MASP1: variants seen among roughly 807,000 people sequenced by gnomAD.
The protein encoded by MASP1 is mannan-binding lectin serine protease 1.
In MASP1, 59 loss-of-function variants were observed where a neutral mutation model predicts 77.1. The observed-to-expected ratio is 0.77, with a 90% CI of 0.62 to 0.95. The LOEUF (loss-of-function observed/expected upper bound fraction) is 0.95. Among genes scored for constraint, MASP1 ranks in the 40% least tolerant of loss-of-function variants. MASP1 has a pLI of 0.00. For missense variants in MASP1, 885 were observed against 912.9 expected, an observed-to-expected ratio of 0.97 and a Z score of 0.39; for synonymous variants, 362 against 354.5, an observed-to-expected ratio of 1.02 and a Z score of -0.24.
At chr3:187,278,439 A>T (rs1019678401) in intron 2 of MASP1, among the ~76,000 whole-genome samples, 5 of 152,212 alleles carry the variant, frequency 3.3e-5, no homozygotes, top group Non-Finnish European at 1.5e-5. Flanking sequence ...CCTCACTCAG[A>T]TGGTGGCAGA....
intron 15 of MASP1, chr3:187,220,342 T>G: frequency 7.4e-7 from 1 of 1,345,424 alleles, no homozygotes; most frequent in Non-Finnish European, 1.0e-6. Context: ...GGGTTGTAGT[T>G]CAGAGAATTG....
At chr3:187,270,229 C>T (rs2108580318) in intron 2 of MASP1, among the ~76,000 whole-genome samples, 1 of 152,280 alleles carries the variant, frequency 6.6e-6, no homozygotes, top group East Asian at 1.9e-4. Context: ...TTTGCTTAGC[C>T]AAATTTTAGT....
intron 8 of MASP1, among the ~76,000 whole-genome samples, chr3:187,248,739 A>G (rs1244497256): frequency 6.6e-6 from 1 of 152,198 alleles, no homozygotes; most frequent in Non-Finnish European, 1.5e-5. Context: ...GCAGGCATCC[A>G]GTCAACATTT....
At chr3:187,220,142 G>A (rs201340753) in exon 16 of MASP1, 74 of 1,614,092 alleles carry the variant, frequency 4.6e-5, no homozygotes, top group African/African-American at 1.3e-4. Context: ...ACTCCGTAGC[G>A]GTCCTTCTTC....
chr3:187,271,935 T>C (rs917052892), intron 2 of MASP1, among the ~76,000 whole-genome samples: 1 of 152,186 alleles, frequency 6.6e-6, no homozygotes, highest in South Asian at 2.1e-4. Context: ...GAAAAAGAGA[T>C]CTTTGCTTCA....
chr3:187,290,886 G>T (rs1718265512), intron 1 of MASP1, among the ~76,000 whole-genome samples: 1 of 151,926 alleles, frequency 6.6e-6, no homozygotes, highest in African/African-American at 2.4e-5. Flanking sequence ...GAAAGGTCTG[G>T]TAAGGAGTGT....
chr3:187,273,719 A>G (rs1380367395), intron 2 of MASP1, among the ~76,000 whole-genome samples: 2 of 152,182 alleles, frequency 1.3e-5, no homozygotes, highest in Non-Finnish European at 2.9e-5. Context: ...CTGATACCAG[A>G]TAGAAACTTG....
downstream of MASP1, chr3:187,229,656 C>A (rs762335772): frequency 3.4e-5 from 50 of 1,456,442 alleles, no homozygotes; most frequent in Non-Finnish European, 4.5e-5. Flanking sequence ...TGCTTCTGTG[C>A]CCTGATGCTA....
intron 2 of MASP1, among the ~76,000 whole-genome samples, chr3:187,273,077 C>T (rs1716653443): frequency 6.6e-6 from 1 of 152,184 alleles, no homozygotes; most frequent in East Asian, 1.9e-4. Flanking sequence ...ACTGAGATGA[C>T]ACGTTCTGGC....
At chr3:187,266,126 G>A (rs533141143) in intron 2 of MASP1, among the ~76,000 whole-genome samples, 31 of 152,252 alleles carry the variant, frequency 2.0e-4, no homozygotes, top group African/African-American at 6.3e-4. Flanking sequence ...ATGTGGCTGC[G>A]AATAATAAAC....
At chr3:187,231,446 C>T (rs1355394679), downstream of MASP1, among the ~76,000 whole-genome samples, 4 of 152,204 alleles carry the variant, frequency 2.6e-5, no homozygotes, top group Non-Finnish European at 5.9e-5. Flanking sequence ...ATTCTTCCTC[C>T]CCCTTTGGAG....
Position 187,278,592 on chromosome 3 carries a change from A to G in MASP1, c.237+7233T>C, listed in dbSNP as rs562591276. 5.9e-5 allele frequency among the ~76,000 whole-genome samples: 9 copies of G among 151,716 alleles called. No individual in the cohort carries two copies. The East Asian group carries it at 1.8e-3, about 30-fold the overall frequency. ...CTGTATTCAAAACTCAATGCACTTC[A>G]GTGCACTCTATATCTTTCTAAATCT... On this transcript the variant is annotated intron_variant, in intron 2 of 10. Coordinates refer to ENST00000296280, the MANE Select transcript of MASP1 (RefSeq NM_139125.4).
intron 2 of MASP1, among the ~76,000 whole-genome samples, chr3:187,266,066 T>C (rs1715996266): frequency 1.3e-5 from 2 of 152,224 alleles, no homozygotes; most frequent in African/African-American, 4.8e-5. Flanking sequence ...ATCAACATGA[T>C]GGAGGGACCT....
chr3:187,279,638 T>G (rs1234181322), intron 2 of MASP1, among the ~76,000 whole-genome samples: 8 of 152,162 alleles, frequency 5.3e-5, no homozygotes, highest in Non-Finnish European at 1.2e-4. Context: ...GCTTTACGTC[T>G]CCCCAAAACA....
intron 9 of MASP1, 26 bp downstream of exon 9, chr3:187,243,458 G>C (rs1186903348): frequency 3.1e-6 from 5 of 1,613,648 alleles, no homozygotes; most frequent in Non-Finnish European, 4.2e-6. Context: ...AAACGGGAGT[G>C]GGATGGCTTA....
downstream of MASP1, among the ~76,000 whole-genome samples, chr3:187,232,345 C>G (rs1442704538): frequency 6.6e-6 from 1 of 151,556 alleles, no homozygotes; most frequent in East Asian, 1.9e-4. Context: ...ATGATGCCCT[C>G]TACCTCTATG....
intron 6 of MASP1, among the ~76,000 whole-genome samples, chr3:187,252,893 A>C (rs1714738546): frequency 6.6e-6 from 1 of 152,210 alleles, no homozygotes; most frequent in Non-Finnish European, 1.5e-5. Flanking sequence ...TCAGGAAACA[A>C]GATTTCTTTT....
At chr3:187,231,898 C>G (rs1206909598), downstream of MASP1, among the ~76,000 whole-genome samples, 1 of 152,158 alleles carries the variant, frequency 6.6e-6, no homozygotes, top group Non-Finnish European at 1.5e-5. Context: ...TGGGCAGTTT[C>G]CTACCTCTGA....
At position 187,235,019 on chromosome 3, in the gene MASP1, CT is replaced by C. The variant is rs1560236867; in HGVS notation, c.*664del. On this transcript the variant is annotated 3_prime_UTR_variant, in exon 11 of 11. Coordinates refer to ENST00000296280, the MANE Select transcript of MASP1 (RefSeq NM_139125.4). ...CAGCAGTCAGCACAAACCTTCCCAA[CT>C]TTCTCCATGTCTTTTGAAATTCCTT... 7.8e-7 allele frequency: 1 copy of C among 1,287,252 alleles called. No homozygotes were observed. The highest frequency in any genetic ancestry group is 1.2e-5 in the South Asian group (1 of 80,942). 79.7% of individuals were successfully genotyped at this position (1,287,252 alleles called of 1,614,324 possible). A position where few individuals can be genotyped will look rare whatever the true frequency, so the allele number is the denominator to read the frequency against.
Sources: gnomAD v4.1 joint callset for allele counts (sites outside exome capture counted in the v4.1 genomes callset) on GRCh38, gnomAD v4.1.1 for gene constraint, MANE v1.5 for transcripts, NCBI Gene and HGNC (gene_info 2026-07-23, HGNC 2026-07-21) for gene names.